The following NBAS variants were observed in gnomAD, a reference collection of about 807,000 sequenced individuals.
The protein encoded by NBAS is NAG/BC035112 fusion.
Under a neutral mutation model 302.5 loss-of-function variants are expected in NBAS, and 219 were observed. That is an observed-to-expected ratio of 0.72 (90% CI 0.65 to 0.81). The LOEUF (loss-of-function observed/expected upper bound fraction) is 0.81. NBAS is among the 30% of genes least tolerant of loss of function. The pLI is 0.00. For synonymous variants in NBAS, 1,118 were observed against 1,021.6 expected, an observed-to-expected ratio of 1.09 and a Z score of -1.80; for missense variants, 2,932 against 2,841.6, an observed-to-expected ratio of 1.03 and a Z score of -0.72.
At chr2:15,101,658 A>ATTAACC in the NBAS span, among the ~76,000 whole-genome samples, 2 of 152,198 alleles carry the variant, frequency 1.3e-5, no homozygotes. Context: ...CAACATAATG[A>ATTAACC]TTAACCGATG....
the NBAS span, among the ~76,000 whole-genome samples, chr2:15,129,369 T>G: frequency 1.3e-5 from 2 of 152,156 alleles, no homozygotes; most frequent in African/African-American, 4.8e-5. Flanking sequence ...ACTGTGCTCC[T>G]CCTTTCACTA....
chr2:15,395,203 C>G (rs1313893886), intron 27 of NBAS, among the ~76,000 whole-genome samples: 1 of 152,022 alleles, frequency 6.6e-6, no homozygotes, highest in Non-Finnish European at 1.5e-5. Flanking sequence ...ACTACCAGGA[C>G]CACCCATGGT....
intron 48 of NBAS, among the ~76,000 whole-genome samples, chr2:15,212,183 C>T (rs773918105): frequency 6.6e-5 from 10 of 152,146 alleles, no homozygotes; most frequent in Non-Finnish European, 1.2e-4. Flanking sequence ...ACTTCAGGGC[C>T]AGTACAGGCA....
chr2:14,998,848 G>GAAACTC, the NBAS span, among the ~76,000 whole-genome samples: 2 of 152,256 alleles, frequency 1.3e-5, no homozygotes, highest in East Asian at 3.9e-4. Context: ...CTAAGAAAAA[G>GAAACTC]GTCTCCTGAT....
rs369814441 is a variant in NBAS at position 15,289,443 on chromosome 2, C to T, written c.5028-2260G>A. On this transcript the variant is annotated intron_variant, in intron 41 of 51. Transcript: ENST00000281513. ...AAGTATTTATTTGAGTACCTACCTC[C>T]ACATCATGGAATGAGAATTCCTTGA... 1.3e-3 allele frequency among the ~76,000 whole-genome samples: 191 copies of T among 152,278 alleles called. No individual in the cohort carries two copies. The South Asian group carries it at 0.017, about 13-fold the overall frequency.
At chr2:15,306,048 T>TA (rs1042554957) in intron 40 of NBAS, among the ~76,000 whole-genome samples, 4 of 152,212 alleles carry the variant, frequency 2.6e-5, no homozygotes, top group South Asian at 2.1e-4. Context: ...TCAATGTACT[T>TA]AGAGTTTTAG....
At chr2:14,837,104 A>G in the NBAS span, among the ~76,000 whole-genome samples, 1 of 151,866 alleles carries the variant, frequency 6.6e-6, no homozygotes, top group Non-Finnish European at 1.5e-5. Flanking sequence ...TCATTAGCAA[A>G]GAGTGAAAGT....
the NBAS span, among the ~76,000 whole-genome samples, chr2:14,949,261 AG>A: frequency 6.6e-6 from 1 of 152,190 alleles, no homozygotes; most frequent in Non-Finnish European, 1.5e-5. Flanking sequence ...CAAGCTAAAA[AG>A]CTTCTGCACA....
rs1197679051 is a variant in NBAS, at chr2:15,424,352, T to C, written c.2540A>G (p.Gln847Arg). The change falls in exon 23 of 52, where the codon CAG becomes CGG. Residue 847 changes from glutamine (Q) to arginine (R), a missense_variant. Gln to Arg is a conservative substitution (Grantham distance 43). Transcript: ENST00000281513. Reference protein sequence around the residue: ...LTVEKVMDWYQTRAEEIEHYA... With the variant: ...LTVEKVMDWYRTRAEEIEHYA... Reference sequence around the variant, plus strand: ...ATGCTCTATTTCCTCTGCTCTGGTCTGATACCAGTCCATAACCTTCTCCAC... The same window carrying C: ...ATGCTCTATTTCCTCTGCTCTGGTCCGATACCAGTCCATAACCTTCTCCAC... The C allele has an allele frequency of 4.3e-6, 7 of 1,614,040 alleles. No individual in the cohort carries two copies. In the African/African-American group the frequency reaches 9.3e-5, roughly 22 times the overall value.
the NBAS span, among the ~76,000 whole-genome samples, chr2:14,895,382 G>T: frequency 6.6e-6 from 1 of 152,198 alleles, no homozygotes. Context: ...AAGAATTTAT[G>T]ATTAAGACCT....
At chr2:15,448,234 A>G (rs1678843874) in intron 21 of NBAS, among the ~76,000 whole-genome samples, 1 of 152,214 alleles carries the variant, frequency 6.6e-6, no homozygotes, top group South Asian at 2.1e-4. Flanking sequence ...GCGTACCTAA[A>G]ATTAAAAGAC....
chr2:14,845,707 G>A, the NBAS span, among the ~76,000 whole-genome samples: 2 of 152,266 alleles, frequency 1.3e-5, no homozygotes, highest in East Asian at 1.9e-4. Context: ...TGAAAAAGGA[G>A]ATTAAAATAA....
the NBAS span, among the ~76,000 whole-genome samples, chr2:14,990,498 G>A: frequency 6.6e-6 from 1 of 151,980 alleles, no homozygotes; most frequent in Non-Finnish European, 1.5e-5. Context: ...TGCAAAAACA[G>A]GTTTGCATCT....
chr2:14,918,481 G>GA, the NBAS span, among the ~76,000 whole-genome samples: 6 of 152,166 alleles, frequency 3.9e-5, no homozygotes, highest in African/African-American at 1.4e-4. Context: ...TATGTTAAGT[G>GA]AAAAAAGAGA....
At chr2:14,905,786 G>T in the NBAS span, among the ~76,000 whole-genome samples, 1 of 151,882 alleles carries the variant, frequency 6.6e-6, no homozygotes, top group African/African-American at 2.4e-5. Flanking sequence ...TGAATGGGTG[G>T]GTTGCCTCTT....
intron 26 of NBAS, among the ~76,000 whole-genome samples, chr2:15,398,772 C>T (rs1478782125): frequency 4.6e-5 from 7 of 152,034 alleles, no homozygotes; most frequent in Non-Finnish European, 8.8e-5. Context: ...ATATTTTGAG[C>T]CCTATATTTT....
intron 44 of NBAS, among the ~76,000 whole-genome samples, chr2:15,270,398 C>T (rs1290505837): frequency 6.6e-6 from 1 of 151,962 alleles, no homozygotes; most frequent in African/African-American, 2.4e-5. Flanking sequence ...CTCCTGACCT[C>T]GAGATCCACC....
At chr2:15,058,529 C>CATGT in the NBAS span, among the ~76,000 whole-genome samples, 1 of 152,224 alleles carries the variant, frequency 6.6e-6, no homozygotes, top group Non-Finnish European at 1.5e-5. Context: ...TGGGCTAAAA[C>CATGT]ATGTGCACAA....
At chr2:15,150,353 T>C in the NBAS span, among the ~76,000 whole-genome samples, 2 of 152,160 alleles carry the variant, frequency 1.3e-5, no homozygotes, top group African/African-American at 4.8e-5. Context: ...ACCTTGGAAA[T>C]GCTTTGGTAG....
Sources: gnomAD v4.1 joint callset for allele counts (sites outside exome capture counted in the v4.1 genomes callset) on GRCh38, gnomAD v4.1.1 for gene constraint, MANE v1.5 for transcripts, NCBI Gene and HGNC (gene_info 2026-07-23, HGNC 2026-07-21) for gene names.